COL9A3: variants seen among roughly 807,000 people sequenced by gnomAD.
COL9A3 encodes collagen alpha-3(IX) chain.
COL9A3 carries 82 observed loss-of-function variants against 110.2 expected under a neutral mutation model. That is an observed-to-expected ratio of 0.74 (90% CI 0.62 to 0.89). COL9A3 has a LOEUF of 0.89. Among genes scored for constraint, COL9A3 ranks in the 40% least tolerant of loss-of-function variants. COL9A3 has a pLI of 0.00. For synonymous variants in COL9A3, 494 were observed against 403.8 expected (o/e 1.22, Z -2.68); for missense variants, 1,066 against 981.3 (o/e 1.09, Z -1.15).
intron 5 of COL9A3, 57 bp from the exon 6 acceptor site, chr20:62,821,124 G>T: frequency 1.3e-6 from 2 of 1,567,472 alleles, no homozygotes; most frequent in East Asian, 4.5e-5. Flanking sequence ...AGAGGGAGGG[G>T]ATTGGGTTTG....
chr20:62,817,112 C>A lies in COL9A3; in HGVS notation c.48C>A (p.Leu16=), dbSNP rs906002992. Residue 16 remains leucine, a synonymous_variant, in exon 1 of 32, where the codon CTC becomes CTA. Coordinates refer to ENST00000649368, the MANE Select transcript of COL9A3 (RefSeq NM_001853.4). The part of the protein sequence containing the change: ...ACAPLLLLLL[L]GELLAAAGAQ... The stretch of plus-strand genomic sequence containing the variant: ...CCCCGCTCCTGCTCCTGCTCCTGCT[C>A]GGGGAGCTTCTGGCGGCCGCCGGGG... The A allele has an allele frequency of 1.4e-6, 2 of 1,402,152 alleles. No individual in the cohort carries two copies. Among genetic ancestry groups the A allele is most frequent in the South Asian group, 2.8e-5 (2 of 71,628 alleles). 86.9% of individuals were successfully genotyped at this position (1,402,152 alleles called of 1,614,324 possible).
chr20:62,822,197 G>C (rs2294988), intron 9 of COL9A3, 33 bp downstream of exon 9: 1 of 1,332,348 alleles, frequency 7.5e-7, no homozygotes, highest in African/African-American at 1.4e-5. Context: ...AAGAAGTGCT[G>C]GGCATGGACT....
At position 62,837,536 on chromosome 20, in the gene COL9A3, C is replaced by T. The variant is rs140459318; in HGVS notation, c.1786+271C>T. Among the ~76,000 whole-genome samples the T allele has an allele frequency of 6.3e-3, 960 of 152,296 alleles. 11 individuals carry two copies. Among genetic ancestry groups the T allele is most frequent in the Middle Eastern group, 0.051 (15 of 294 alleles). On this transcript the variant is annotated intron_variant, in intron 30 of 31. Transcript: ENST00000649368. Reference sequence around the variant, plus strand: ...TTTAAAATGTGACGAAGGCTGGGCGCGGTGGCTCACGCCTGTAATCCCAAC... The same window carrying T: ...TTTAAAATGTGACGAAGGCTGGGCGTGGTGGCTCACGCCTGTAATCCCAAC...
At position 62,829,531 on chromosome 20, in the gene COL9A3, GGGGAGGCGAGGGGCC is replaced by G. The variant is rs771624977; in HGVS notation, c.1053+40_1053+54del. The G allele has an allele frequency of 3.5e-5, 56 of 1,611,938 alleles. No individual in the cohort carries two copies. The South Asian group carries it at 3.5e-4, about 10-fold the overall frequency. On this transcript the variant is annotated intron_variant, in intron 20 of 31. Transcript: ENST00000649368. ...GGCTGCAGCCGCTTTCTCTCTGGGA[GGGGAGGCGAGGGGCC>G]GGGAGGCAAGGGGCTGGGGGGCCAG...
intron 31 of COL9A3, among the ~76,000 whole-genome samples, chr20:62,839,930 CCT>C (rs1023401038): frequency 1.3e-5 from 2 of 152,174 alleles, no homozygotes; most frequent in African/African-American, 4.8e-5. Flanking sequence ...CCTAGCTCTG[CCT>C]CTACCTGGTG....
Position 62,820,272 on chromosome 20 carries a change from C to T in COL9A3, c.309+290C>T, listed in dbSNP as rs547741014. On this transcript the variant is annotated intron_variant, in intron 5 of 31. Transcript: ENST00000649368. The stretch of plus-strand genomic sequence containing the variant: ...ACCCCAGGTGCCTCCTCAGAATGTC[C>T]CTGAAGCCCCCAGGGCCCTGGGCAG... 2.0e-4 allele frequency among the ~76,000 whole-genome samples: 30 copies of T among 152,154 alleles called. 1 individual carries two copies. Among genetic ancestry groups the T allele is most frequent in the Admixed American group, 1.9e-3 (29 of 15,298 alleles).
At chr20:62,820,645 C>G (rs11698798) in intron 5 of COL9A3, among the ~76,000 whole-genome samples, 2 of 152,024 alleles carry the variant, frequency 1.3e-5, no homozygotes, top group Non-Finnish European at 2.9e-5. Flanking sequence ...TGCTGGCAGC[C>G]GAGTCCGTGG....
At chr20:62,832,756 C>T (rs1314909173) in intron 25 of COL9A3, 2 of 279,154 alleles carry the variant, frequency 7.2e-6, no homozygotes, top group African/African-American at 4.7e-5. Context: ...CTGCAGCCAT[C>T]GAACCCCCAC....
At chr20:62,822,749 C>CTTCT in intron 10 of COL9A3, 117 bp downstream of exon 10, 1 of 1,135,694 alleles carries the variant, frequency 8.8e-7, no homozygotes, top group Non-Finnish European at 1.3e-6. Context: ...CGAGCCCTCC[C>CTTCT]TGGGGACAGG....
At position 62,832,136 on chromosome 20, in the gene COL9A3, C is replaced by G. The variant is rs2063601690; in HGVS notation, c.1288-18C>G. ...TTCCTGCCATTCCTCTAATCCAGAGCCTTCTCTCCACATCCAGGGTCCGGG... is the reference window on the plus strand; with the variant it reads ...TTCCTGCCATTCCTCTAATCCAGAGGCTTCTCTCCACATCCAGGGTCCGGG... On this transcript the variant is annotated intron_variant, in intron 24 of 31. Coordinates refer to ENST00000649368, the MANE Select transcript of COL9A3 (RefSeq NM_001853.4). 6.2e-7 allele frequency: 1 copy of G among 1,612,080 alleles called. No individual in the cohort carries two copies. The highest frequency in any genetic ancestry group is 1.1e-5 in the South Asian group (1 of 91,086).
In COL9A3 at chr20:62,837,143, G is replaced by A. The variant is rs774501281; in HGVS notation, c.1664G>A (p.Arg555Gln). The A allele has an allele frequency of 4.3e-5, 70 of 1,613,144 alleles. No individual in the cohort carries two copies. Among genetic ancestry groups the A allele is most frequent in the Middle Eastern group, 1.6e-4 (1 of 6,082 alleles). Residue 555 changes from arginine (R) to glutamine (Q), a missense_variant, in exon 30 of 32, where the codon CGG (arginine) becomes CAG (glutamine). Coordinates refer to ENST00000649368, the MANE Select transcript of COL9A3 (RefSeq NM_001853.4). ...RKPLAPGSIGRPGPAGPPGPP... is the reference protein window; with the variant it reads ...RKPLAPGSIGQPGPAGPPGPP... ...CCTTTGGCACCCGGGTCCATTGGTC[G>A]GCCCGGTCCAGCTGGCCCCCCTGGG...
intron 1 of COL9A3, 41 bp downstream of exon 1, chr20:62,817,183 G>A (rs1453553109): frequency 8.8e-5 from 116 of 1,324,082 alleles, no homozygotes; most frequent in Non-Finnish European, 1.1e-4. Context: ...ACGTGGAGCC[G>A]CGACCGCCCC....
intron 15 of COL9A3, among the ~76,000 whole-genome samples, 195 bp downstream of exon 15, chr20:62,827,015 C>T (rs1438934216): frequency 6.6e-6 from 1 of 152,202 alleles, no homozygotes; most frequent in African/African-American, 2.4e-5. Flanking sequence ...AGACATTCGC[C>T]TCCTTTCTGG....
At chr20:62,830,690 CAACCCCTACCACAGTCCCCCA>C in intron 24 of COL9A3, 102 bp downstream of exon 24, 1 of 27,224 alleles carries the variant, frequency 3.7e-5, no homozygotes, top group Non-Finnish European at 6.8e-5. Flanking sequence ...CACAGTCCCC[CAACCCCTACCACAGTCCCCCA>C]ACCCCCACCA....
At position 62,822,572 on chromosome 20, in the gene COL9A3, CTG is replaced by C; in HGVS notation, c.478-17_478-16del. ...GCTGGGGAGGGCGGGAGAATGTCAG[CTG>C]TCTCTTTTTGTCTTAGGGACACCCA... On this transcript the variant is annotated splice_polypyrimidine_tract_variant and intron_variant, in intron 9 of 31. Transcript: ENST00000649368. The C allele has an allele frequency of 6.2e-7, 1 of 1,611,992 alleles. No homozygotes were observed. Among genetic ancestry groups the C allele is most frequent in the East Asian group, 2.2e-5 (1 of 44,892 alleles).
At chr20:62,838,964 C>G (rs2063654850) in intron 31 of COL9A3, among the ~76,000 whole-genome samples, 1 of 152,202 alleles carries the variant, frequency 6.6e-6, no homozygotes. Context: ...GTGGCTTACA[C>G]CTGTAATCCC....
At chr20:62,824,537 T>G in intron 11 of COL9A3, 36 bp downstream of exon 11, 1 of 1,558,726 alleles carries the variant, frequency 6.4e-7, no homozygotes, top group Non-Finnish European at 8.7e-7. Context: ...AGCACCACCC[T>G]GTGCTGGGCA....
chr20:62,831,150 G>C (rs66658258), intron 24 of COL9A3: 22,869 of 152,282 alleles, frequency 0.15, 2,622 homozygotes, highest in East Asian at 0.6. Flanking sequence ...AAATAGGTTT[G>C]AACACCATGT....
intron 13 of COL9A3, 47 bp downstream of exon 13, chr20:62,825,917 C>G: frequency 6.5e-7 from 1 of 1,536,626 alleles, no homozygotes; most frequent in Non-Finnish European, 8.8e-7. Context: ...ACTCAGCCCA[C>G]AGAGTGATCA....
Sources: gnomAD v4.1 joint callset for allele counts (sites outside exome capture counted in the v4.1 genomes callset) on GRCh38, gnomAD v4.1.1 for gene constraint, MANE v1.5 for transcripts, NCBI Gene and HGNC (gene_info 2026-07-23, HGNC 2026-07-21) for gene names.